SDK1: variants seen among roughly 807,000 people sequenced by gnomAD.
The protein encoded by SDK1 is sidekick cell adhesion molecule 1.
SDK1 carries 157 observed loss-of-function variants against 245.5 expected under a neutral mutation model. The observed-to-expected ratio is 0.64, with a 90% confidence interval of 0.56 to 0.73. The LOEUF is 0.73. Ranked by LOEUF, SDK1 falls within the 30% of genes least tolerant of loss-of-function variation. The probability of loss-of-function intolerance (pLI) is 0.00; values close to 1 mark genes in which losing one functional copy is unlikely to be tolerated. For missense variants in SDK1, 3,583 were observed against 3,002.3 expected (o/e 1.19, Z -4.52); for synonymous variants, 1,647 against 1,278.5 (o/e 1.29, Z -6.15).
chr7:3,399,084 G>A (rs114306884), intron 1 of SDK1, among the ~76,000 whole-genome samples: 8,433 of 152,002 alleles, frequency 0.055, 658 homozygotes, highest in African/African-American at 0.17. Flanking sequence ...TAGGACCCCA[G>A]TTATGTGTAA....
chr7:4,211,880 A>G (rs138362894), intron 38 of SDK1, among the ~76,000 whole-genome samples: 5,283 of 152,242 alleles, frequency 0.035, 136 homozygotes, highest in South Asian at 0.068. Context: ...AAGTGCTGGG[A>G]TTACAGGCGT....
chr7:3,305,474 A>C (rs1779393039), intron 1 of SDK1, among the ~76,000 whole-genome samples: 1 of 152,110 alleles, frequency 6.6e-6, no homozygotes, highest in South Asian at 2.1e-4. Flanking sequence ...CTAATTAGGC[A>C]TTTCTGCCAC....
intron 25 of SDK1, 21 bp from the exon 26 acceptor site, chr7:4,127,360 T>C (rs573967380): frequency 3.2e-6 from 5 of 1,578,094 alleles, no homozygotes; most frequent in Admixed American, 1.7e-5. Context: ...GATGCTAATC[T>C]ACTTCATTGG....
intron 4 of SDK1, among the ~76,000 whole-genome samples, chr7:3,650,029 G>A (rs6974872): frequency 0.53 from 79,228 of 149,872 alleles, 21,583 homozygotes; most frequent in South Asian, 0.65. Context: ...AAAAAAAAAG[G>A]CAATTAAAAT....
chr7:3,857,718 A>G (rs1035002179), intron 5 of SDK1, among the ~76,000 whole-genome samples: 36 of 152,042 alleles, frequency 2.4e-4, no homozygotes, highest in African/African-American at 8.0e-4. Context: ...ACCTAAGATA[A>G]TAAACTGAAT....
rs527660532 is a variant in SDK1 at position 4,035,494 on chromosome 7, A to T, written c.2603-13854A>T. 2.6e-5 allele frequency among the ~76,000 whole-genome samples: 4 copies of T among 152,248 alleles called. No homozygotes were observed. In the East Asian group the frequency reaches 5.8e-4, roughly 22 times the overall value. On this transcript the variant is annotated intron_variant, in intron 17 of 44. Transcript: ENST00000404826. ...AAAAGATTTTCAACTGTTTTCAGCCATTGGAATGTTGGTGGGAGTGGCATG... is the reference window on the plus strand; with the variant it reads ...AAAAGATTTTCAACTGTTTTCAGCCTTTGGAATGTTGGTGGGAGTGGCATG...
At chr7:4,107,545 TTTA>T (rs1296256457) in intron 22 of SDK1, among the ~76,000 whole-genome samples, 2 of 151,964 alleles carry the variant, frequency 1.3e-5, no homozygotes, top group African/African-American at 2.4e-5. Flanking sequence ...AGTGCTTTGG[TTTA>T]ACACCCAGAG....
chr7:3,748,147 A>G (rs527262905), intron 4 of SDK1, among the ~76,000 whole-genome samples: 1 of 152,296 alleles, frequency 6.6e-6, no homozygotes, highest in African/African-American at 2.4e-5. Context: ...CTATAATATT[A>G]AACGTTGAAA....
chr7:4,055,680 T>C (rs982123044), intron 19 of SDK1, among the ~76,000 whole-genome samples: 1 of 152,064 alleles, frequency 6.6e-6, no homozygotes. Context: ...GCTTTGAGTG[T>C]ATTTTGCTCT....
chr7:3,546,416 A>G (rs1351051947), intron 1 of SDK1, among the ~76,000 whole-genome samples: 1 of 152,232 alleles, frequency 6.6e-6, no homozygotes, highest in African/African-American at 2.4e-5. Context: ...GAGGTTGTAC[A>G]CTAAAGCCGT....
rs188328373 is a variant in SDK1, at chr7:4,190,235, G to A, written c.5098+11649G>A. ...CTGGGTAATTATTAACATATCACGCGATAATGACATTGTGCAAACCACAGG... is the reference window on the plus strand; with the variant it reads ...CTGGGTAATTATTAACATATCACGCAATAATGACATTGTGCAAACCACAGG... On this transcript the variant is annotated intron_variant, in intron 35 of 44. Coordinates refer to ENST00000404826, the MANE Select transcript of SDK1 (RefSeq NM_152744.4). Among the ~76,000 whole-genome samples, 72 of 152,282 alleles carry A rather than the reference G, an allele frequency of 4.7e-4. 1 individual carries two copies. Among genetic ancestry groups the A allele is most frequent in the African/African-American group, 1.6e-3 (66 of 41,554 alleles).
In SDK1 at chr7:4,008,572, A is replaced by C. The variant is rs867722085; in HGVS notation, c.2132-2394A>C. On this transcript the variant is annotated intron_variant, in intron 14 of 44. Coordinates refer to ENST00000404826, the MANE Select transcript of SDK1 (RefSeq NM_152744.4). ...TTTTTTAGATAAGGTGGGCACGTAAAAGAAAGCGAAGAGGAAAGGGGAAGG... is the reference window on the plus strand; with the variant it reads ...TTTTTTAGATAAGGTGGGCACGTAACAGAAAGCGAAGAGGAAAGGGGAAGG... Among the ~76,000 whole-genome samples the C allele has an allele frequency of 2.8e-4, 43 of 152,366 alleles. 1 individual carries two copies. In the Middle Eastern group the frequency reaches 0.01, roughly 36 times the overall value.
At chr7:3,570,459 G>A (rs1365563966) in intron 1 of SDK1, among the ~76,000 whole-genome samples, 1 of 152,068 alleles carries the variant, frequency 6.6e-6, no homozygotes, top group African/African-American at 2.4e-5. Context: ...GCTATGGACG[G>A]GTACCCGTCC....
chr7:3,321,543 G>T lies in SDK1; in HGVS notation c.298+19659G>T, dbSNP rs534635050. Among the ~76,000 whole-genome samples, 89 of 152,222 alleles carry T rather than the reference G, an allele frequency of 5.8e-4. 4 individuals are homozygous for T. In the South Asian group the frequency reaches 0.018, roughly 31 times the overall value. The stretch of plus-strand genomic sequence containing the variant: ...AAATCATTGACATGAATGACAAGTT[G>T]TGTTTTTTTCCCCAACAGTTAAAGA... On this transcript the variant is annotated intron_variant, in intron 1 of 44. Coordinates refer to ENST00000404826, the MANE Select transcript of SDK1 (RefSeq NM_152744.4).
intron 1 of SDK1, among the ~76,000 whole-genome samples, chr7:3,612,103 CG>C: frequency 6.6e-6 from 1 of 152,064 alleles, no homozygotes; most frequent in African/African-American, 2.4e-5. Flanking sequence ...AAGGGTGGGA[CG>C]GGGGTGAGGG....
At chr7:3,557,389 A>G (rs1421458349) in intron 1 of SDK1, among the ~76,000 whole-genome samples, 1 of 152,184 alleles carries the variant, frequency 6.6e-6, no homozygotes, top group Admixed American at 6.5e-5. Context: ...CCAGGATGAA[A>G]TAGATAATCT....
At chr7:3,365,544 A>T (rs1337494703) in intron 1 of SDK1, among the ~76,000 whole-genome samples, 1 of 152,228 alleles carries the variant, frequency 6.6e-6, no homozygotes, top group African/African-American at 2.4e-5. Context: ...CACTGAAAAT[A>T]GTGATTTCTT....
chr7:4,209,118 C>T (rs895502500), intron 37 of SDK1, among the ~76,000 whole-genome samples: 2 of 152,204 alleles, frequency 1.3e-5, no homozygotes, highest in African/African-American at 4.8e-5. Flanking sequence ...ATGTGCTGAC[C>T]ACAACCAGGT....
intron 1 of SDK1, among the ~76,000 whole-genome samples, chr7:3,579,603 A>G (rs1780416747): frequency 6.6e-6 from 1 of 152,222 alleles, no homozygotes; most frequent in Admixed American, 6.5e-5. Flanking sequence ...ATTCCCTTTG[A>G]AAACTGGCTG....
Sources: gnomAD v4.1 joint callset for allele counts (sites outside exome capture counted in the v4.1 genomes callset) on GRCh38, gnomAD v4.1.1 for gene constraint, MANE v1.5 for transcripts, NCBI Gene and HGNC (gene_info 2026-07-23, HGNC 2026-07-21) for gene names.